Variants in SLC2A9 observed in about 807,000 individuals in gnomAD.
SLC2A9 encodes solute carrier family 2 member 9, also known as solute carrier family 2, facilitated glucose transporter member 9.
In SLC2A9, 39 loss-of-function variants were observed where a neutral mutation model predicts 50.6. The ratio of observed to expected loss-of-function variants is 0.77; its 90% CI spans 0.60 to 1.01. The LOEUF (loss-of-function observed/expected upper bound fraction) is 1.01. SLC2A9 is among the 50% of genes least tolerant of loss of function. SLC2A9 has a pLI of 0.00. For synonymous variants in SLC2A9, 324 were observed against 276.9 expected (o/e 1.17, Z -1.69); for missense variants, 686 against 677.6 (o/e 1.01, Z -0.14).
intron 3 of SLC2A9, among the ~76,000 whole-genome samples, chr4:9,805,690 T>G (rs865827732): frequency 5.5e-5 from 4 of 73,246 alleles, no homozygotes; most frequent in Admixed American, 1.6e-4. Flanking sequence ...GGTGTCAGTT[T>G]TTTTTTTTTT....
chr4:9,803,100 G>A (rs1005755378), intron 3 of SLC2A9, among the ~76,000 whole-genome samples: 4 of 152,200 alleles, frequency 2.6e-5, no homozygotes, highest in African/African-American at 9.7e-5. Context: ...CCTGACTTTG[G>A]CACTATCTTG....
At chr4:9,955,153 A>C (rs1244309067) in intron 5 of SLC2A9, among the ~76,000 whole-genome samples, 3 of 152,108 alleles carry the variant, frequency 2.0e-5, no homozygotes, top group Non-Finnish European at 4.4e-5. Context: ...ATCCAAGGGG[A>C]AGAATCAGGG....
chr4:9,951,986 A>G (rs966032135), intron 5 of SLC2A9, among the ~76,000 whole-genome samples: 3 of 152,250 alleles, frequency 2.0e-5, no homozygotes, highest in Non-Finnish European at 4.4e-5. Context: ...GGCTCAGCTC[A>G]TAAGACTCCC....
chr4:10,018,445 G>A (rs555110565), intron 2 of SLC2A9, among the ~76,000 whole-genome samples: 2 of 152,130 alleles, frequency 1.3e-5, no homozygotes, highest in Non-Finnish European at 2.9e-5. Context: ...GGGAGGCTGA[G>A]GCAGAAGAAT....
At chr4:9,890,783 G>C in intron 8 of SLC2A9, 72 bp from the exon 9 acceptor site, 1 of 1,365,568 alleles carries the variant, frequency 7.3e-7, no homozygotes, top group East Asian at 2.4e-5. Flanking sequence ...TGTGGCACTG[G>C]GAACCGGCAA....
chr4:10,019,452 G>A (rs1231599136), intron 1 of SLC2A9, among the ~76,000 whole-genome samples: 1 of 152,240 alleles, frequency 6.6e-6, no homozygotes, highest in Admixed American at 6.5e-5. Flanking sequence ...TCAGCCAGGC[G>A]TGATTCTAAG....
intron 5 of SLC2A9, among the ~76,000 whole-genome samples, chr4:9,944,275 G>A (rs76305884): frequency 6.6e-6 from 1 of 152,218 alleles, no homozygotes; most frequent in Non-Finnish European, 1.5e-5. Flanking sequence ...CTTGGACTTG[G>A]CTTGAGGACA....
chr4:9,810,972 C>T (rs772165182), intron 3 of SLC2A9, among the ~76,000 whole-genome samples: 1 of 152,170 alleles, frequency 6.6e-6, no homozygotes, highest in Non-Finnish European at 1.5e-5. Context: ...CAAACTTTTC[C>T]AACCTTTTCT....
intron 3 of SLC2A9, among the ~76,000 whole-genome samples, chr4:9,793,779 T>C (rs1199878736): frequency 6.6e-6 from 1 of 152,194 alleles, no homozygotes; most frequent in Non-Finnish European, 1.5e-5. Flanking sequence ...ATTTAAAAAA[T>C]GGACTGAAAA....
chr4:10,018,168 G>A (rs1560497320), intron 2 of SLC2A9, among the ~76,000 whole-genome samples: 1 of 152,184 alleles, frequency 6.6e-6, no homozygotes, highest in Non-Finnish European at 1.5e-5. Flanking sequence ...AATTGCACCT[G>A]GATCTGATTT....
chr4:9,902,047 C>T (rs2109914908), intron 8 of SLC2A9, among the ~76,000 whole-genome samples: 1 of 152,330 alleles, frequency 6.6e-6, no homozygotes, highest in Non-Finnish European at 1.5e-5. Flanking sequence ...CTCAGGTTCA[C>T]TGTGTCCCTC....
rs1481871870 is a variant in SLC2A9 at position 9,782,883 on chromosome 4, G to A, written n.386-2818C>T. 24 of 1,613,842 alleles carry A rather than the reference G, an allele frequency of 1.5e-5. No homozygotes were observed. The highest frequency in any genetic ancestry group is 1.9e-5 in the Non-Finnish European group (23 of 1,179,998). On this transcript the variant is annotated intron_variant and non_coding_transcript_variant, in intron 3 of 3. Transcript: ENST00000503803. ...GCCTGCGCGCCCGACACCAGCCTGC[G>A]CGCTTCCATCAAGAAGGAGACCAAG...
chr4:9,880,263 T>C (rs1228952147), intron 10 of SLC2A9: 25 of 985,364 alleles, frequency 2.5e-5, no homozygotes, highest in African/African-American at 3.5e-5. Flanking sequence ...TAAACCCTGG[T>C]CCATCTTGTG....
At chr4:10,007,384 C>G (rs1760980111) in intron 2 of SLC2A9, among the ~76,000 whole-genome samples, 1 of 152,182 alleles carries the variant, frequency 6.6e-6, no homozygotes, top group African/African-American at 2.4e-5. Context: ...CCACAGTTAG[C>G]TTTCAGAATG....
At chr4:9,909,060 C>T (rs964789634) in intron 7 of SLC2A9, among the ~76,000 whole-genome samples, 1 of 152,192 alleles carries the variant, frequency 6.6e-6, no homozygotes, top group Non-Finnish European at 1.5e-5. Flanking sequence ...AAACGCTTTA[C>T]TGTCATCCAC....
chr4:9,979,703 C>G (rs919017310), intron 5 of SLC2A9, among the ~76,000 whole-genome samples: 1 of 152,144 alleles, frequency 6.6e-6, no homozygotes, highest in Non-Finnish European at 1.5e-5. Context: ...TAACACTGAT[C>G]TGGCCATGTC....
chr4:9,947,060 A>G (rs537265627), intron 5 of SLC2A9, among the ~76,000 whole-genome samples: 5 of 152,048 alleles, frequency 3.3e-5, no homozygotes, highest in African/African-American at 9.6e-5. Context: ...TGACTTCTCT[A>G]TTTCTCTCCT....
At chr4:9,876,484 A>G (rs1464123168) in intron 10 of SLC2A9, among the ~76,000 whole-genome samples, 1 of 152,176 alleles carries the variant, frequency 6.6e-6, no homozygotes, top group Non-Finnish European at 1.5e-5. Flanking sequence ...CCAGCTACTC[A>G]GGAGGCTGAG....
chr4:9,917,147 C>G lies in SLC2A9; in HGVS notation c.1002+3238G>C, dbSNP rs180905771. On this transcript the variant is annotated intron_variant, in intron 7 of 11. Transcript: ENST00000264784. ...GTTTTCATGCTGAGGACAAACTGCT[C>G]GAAAGGAAGGCAGCTGCCTAAAATA... Among the ~76,000 whole-genome samples the G allele has an allele frequency of 1.4e-3, 218 of 151,810 alleles. 2 individuals carry two copies. Among genetic ancestry groups the G allele is most frequent in the Admixed American group, 3.1e-3 (47 of 15,266 alleles).
Sources: gnomAD v4.1 joint callset for allele counts (sites outside exome capture counted in the v4.1 genomes callset) on GRCh38, gnomAD v4.1.1 for gene constraint, MANE v1.5 for transcripts, NCBI Gene and HGNC (gene_info 2026-07-23, HGNC 2026-07-21) for gene names.